The following FSTL4 variants were observed in gnomAD, a reference collection of about 807,000 sequenced individuals.
FSTL4 encodes the protein follistatin-related protein 4.
Under a neutral mutation model 78.2 loss-of-function variants are expected in FSTL4, and 28 were observed. That is an observed-to-expected ratio of 0.36 (90% CI 0.27 to 0.49). The LOEUF is 0.49. Ranked by LOEUF, FSTL4 falls within the 20% of genes least tolerant of loss-of-function variation. The pLI is 0.98. For synonymous variants in FSTL4, 422 were observed against 440.5 expected, an observed-to-expected ratio of 0.96 and a Z score of 0.53; for missense variants, 922 against 1,084.9, an observed-to-expected ratio of 0.85 and a Z score of 2.11.
At chr5:133,398,104 C>T (rs1340596462) in intron 4 of FSTL4, among the ~76,000 whole-genome samples, 4 of 152,238 alleles carry the variant, frequency 2.6e-5, no homozygotes, top group East Asian at 1.9e-4. Flanking sequence ...TCGTTCTACT[C>T]CCCCCTGGAG....
At chr5:133,627,290 C>T in the FSTL4 span, among the ~76,000 whole-genome samples, 4 of 151,622 alleles carry the variant, frequency 2.6e-5, no homozygotes, top group Non-Finnish European at 5.9e-5. Flanking sequence ...GGCTGAGGAG[C>T]AAGGCACAAT....
At chr5:133,744,553 G>A in the FSTL4 span, among the ~76,000 whole-genome samples, 1 of 152,232 alleles carries the variant, frequency 6.6e-6, no homozygotes, top group East Asian at 1.9e-4. Flanking sequence ...AGAGGCAGCT[G>A]TGACTAAACT....
chr5:133,262,275 G>A (rs995666273), intron 6 of FSTL4, among the ~76,000 whole-genome samples: 2 of 152,302 alleles, frequency 1.3e-5, no homozygotes, highest in Middle Eastern at 3.4e-3. Flanking sequence ...CTGGATGAGA[G>A]ACTGATTTCA....
chr5:133,459,071 G>T (rs1757545783), intron 3 of FSTL4, among the ~76,000 whole-genome samples: 1 of 152,160 alleles, frequency 6.6e-6, no homozygotes, highest in South Asian at 2.1e-4. Flanking sequence ...GACCCCACCT[G>T]CCTCTGGAAG....
chr5:133,275,960 T>G (rs1045612084), intron 6 of FSTL4: 2 of 152,234 alleles, frequency 1.3e-5, no homozygotes, highest in African/African-American at 4.8e-5. Context: ...TAAATTAATG[T>G]TGTTAATTTG....
chr5:133,726,186 G>A, the FSTL4 span, among the ~76,000 whole-genome samples: 1 of 152,060 alleles, frequency 6.6e-6, no homozygotes, highest in Non-Finnish European at 1.5e-5. Flanking sequence ...CTGTGCCTGA[G>A]CCCACCTCAC....
intron 2 of FSTL4, among the ~76,000 whole-genome samples, chr5:133,591,420 C>T (rs1042276915): frequency 8.5e-5 from 13 of 152,176 alleles, no homozygotes; most frequent in African/African-American, 2.9e-4. Context: ...ACTTGGCTCA[C>T]GTTTCTCTGT....
At chr5:133,387,942 C>G (rs943426750) in intron 4 of FSTL4, 2 of 152,216 alleles carry the variant, frequency 1.3e-5, no homozygotes, top group African/African-American at 4.8e-5. Context: ...CTGGGAACAG[C>G]CATGGACACT....
the FSTL4 span, among the ~76,000 whole-genome samples, chr5:133,825,572 G>A: frequency 2.2e-4 from 33 of 152,190 alleles, no homozygotes; most frequent in African/African-American, 7.7e-4. Flanking sequence ...TCCCACTGAT[G>A]AAAAATAAAA....
At chr5:133,203,792 G>C (rs1750405121) in intron 14 of FSTL4, among the ~76,000 whole-genome samples, 1 of 152,108 alleles carries the variant, frequency 6.6e-6, no homozygotes, top group Admixed American at 6.5e-5. Context: ...GGCTGTCATT[G>C]GTCAATGTCA....
At chr5:133,541,171 C>T (rs1361902738) in intron 3 of FSTL4, among the ~76,000 whole-genome samples, 1 of 152,210 alleles carries the variant, frequency 6.6e-6, no homozygotes, top group Non-Finnish European at 1.5e-5. Context: ...ACAAGCGTTG[C>T]ATTATTTCTC....
chr5:133,791,502 C>T, the FSTL4 span, among the ~76,000 whole-genome samples: 1 of 152,210 alleles, frequency 6.6e-6, no homozygotes, highest in Non-Finnish European at 1.5e-5. Flanking sequence ...GTCTAGCACA[C>T]AGAGGTCACT....
intron 6 of FSTL4, among the ~76,000 whole-genome samples, chr5:133,302,914 T>C (rs971484851): frequency 2.0e-5 from 3 of 152,220 alleles, no homozygotes; most frequent in Admixed American, 6.5e-5. Context: ...CAAATGTTTG[T>C]CAAGCACCTA....
At chr5:133,567,297 T>G in intron 2 of FSTL4, 78 bp from the exon 3 acceptor site, 1 of 1,019,838 alleles carries the variant, frequency 9.8e-7, no homozygotes, top group East Asian at 2.4e-5. Flanking sequence ...TCCTCTCTTG[T>G]TAGTCACACA....
At chr5:133,599,843 A>G (rs1329157905) in intron 2 of FSTL4, among the ~76,000 whole-genome samples, 1 of 151,922 alleles carries the variant, frequency 6.6e-6, no homozygotes, top group African/African-American at 2.4e-5. Context: ...CCAGGCTGCA[A>G]AAGTGGGGGG....
chr5:133,360,067 A>T (rs1311758376), intron 4 of FSTL4, among the ~76,000 whole-genome samples: 1 of 152,252 alleles, frequency 6.6e-6, no homozygotes, highest in Non-Finnish European at 1.5e-5. Flanking sequence ...AAACAGCCCT[A>T]ACAGTGGACC....
At chr5:133,828,671 G>T in the FSTL4 span, among the ~76,000 whole-genome samples, 2 of 152,330 alleles carry the variant, frequency 1.3e-5, no homozygotes, top group South Asian at 4.1e-4. Flanking sequence ...ACACCGGACT[G>T]CTGGTTCTCT....
At chr5:133,508,743 T>A (rs1174685906) in intron 3 of FSTL4, among the ~76,000 whole-genome samples, 1 of 152,216 alleles carries the variant, frequency 6.6e-6, no homozygotes, top group African/African-American at 2.4e-5. Flanking sequence ...TGAAACCACA[T>A]GAGTGAGAAG....
At chr5:133,722,648 A>G in the FSTL4 span, among the ~76,000 whole-genome samples, 4 of 152,296 alleles carry the variant, frequency 2.6e-5, no homozygotes, top group Admixed American at 1.3e-4. Context: ...CCTTGGTAGT[A>G]TCACTTTTCC....
Sources: gnomAD v4.1 joint callset for allele counts (sites outside exome capture counted in the v4.1 genomes callset) on GRCh38, gnomAD v4.1.1 for gene constraint, MANE v1.5 for transcripts, NCBI Gene and HGNC (gene_info 2026-07-23, HGNC 2026-07-21) for gene names.